Variants in LMAN2L observed in about 807,000 individuals in gnomAD.
The protein encoded by LMAN2L is VIP36-like protein.
LMAN2L carries 30 observed loss-of-function variants against 44.3 expected under a neutral mutation model. That is an observed-to-expected ratio of 0.68 (90% confidence interval 0.51 to 0.92). LMAN2L has a LOEUF of 0.92. LMAN2L is among the 40% of genes least tolerant of loss of function. The pLI is 0.00. For synonymous variants in LMAN2L, 183 were observed against 171.1 expected, an observed-to-expected ratio of 1.07 and a Z score of -0.54; for missense variants, 429 against 446.1, an observed-to-expected ratio of 0.96 and a Z score of 0.35.
chr2:96,724,575 G>A (rs1270186002), intron 4 of LMAN2L, among the ~76,000 whole-genome samples: 1 of 152,118 alleles, frequency 6.6e-6, no homozygotes, highest in Admixed American at 6.6e-5. Flanking sequence ...ATGCGATCGT[G>A]GCTCACTGTG....
Position 96,737,984 on chromosome 2 carries a change from T to C in LMAN2L, c.271A>G (p.Met91Val). 1 of 1,613,892 alleles carries C rather than the reference T, an allele frequency of 6.2e-7. No individual in the cohort carries two copies. Among genetic ancestry groups the C allele is most frequent in the Non-Finnish European group, 8.5e-7 (1 of 1,179,790 alleles). The change falls in exon 2 of 8, where the codon ATG becomes GTG. Residue 91 changes from methionine to valine, a missense_variant. Transcript: ENST00000264963. ...MTQYIRLTPD[M>V]QSKQGALWNR... ...CACAAGGCACCCTGTTTACTTTGCA[T>C]ATCTGGGGTAAGGCGGATATACTGG...
chr2:96,709,106 A>T (rs1175401644), intron 6 of LMAN2L, among the ~76,000 whole-genome samples: 1 of 151,364 alleles, frequency 6.6e-6, no homozygotes, highest in Non-Finnish European at 1.5e-5. Flanking sequence ...TTTTTAGTAG[A>T]GATGGGGTTT....
In LMAN2L at chr2:96,735,882, T is replaced by A. The variant is rs867775598; in HGVS notation, c.307-1356A>T. ...TCAGAGAAAGGCCAGGCACAGTAGT[T>A]CACGCCAGTAATCAAAGCATTTTGA... On this transcript the variant is annotated intron_variant, in intron 2 of 7. Transcript: ENST00000264963. Among the ~76,000 whole-genome samples the A allele has an allele frequency of 8.7e-5, 13 of 149,050 alleles. No homozygotes were observed. The South Asian group carries it at 2.8e-3, about 32-fold the overall frequency.
chr2:96,710,156 C>T (rs2077881391), intron 6 of LMAN2L, among the ~76,000 whole-genome samples: 1 of 152,094 alleles, frequency 6.6e-6, no homozygotes, highest in Admixed American at 6.5e-5. Flanking sequence ...GCCTGGAATC[C>T]AAGAAGGGGA....
chr2:96,715,151 C>A (rs1013439210), intron 4 of LMAN2L, among the ~76,000 whole-genome samples: 1 of 152,122 alleles, frequency 6.6e-6, no homozygotes, highest in Non-Finnish European at 1.5e-5. Flanking sequence ...GTTGGTCAGG[C>A]TGGTCTCGAA....
chr2:96,708,185 G>A (rs1466692085), intron 6 of LMAN2L, among the ~76,000 whole-genome samples: 1 of 152,256 alleles, frequency 6.6e-6, no homozygotes, highest in Non-Finnish European at 1.5e-5. Flanking sequence ...GGCTAGCGAT[G>A]TGTAGTACAA....
In LMAN2L at chr2:96,731,466, T is replaced by C. The variant is rs1186239655; in HGVS notation, c.507+2053A>G. On this transcript the variant is annotated intron_variant, in intron 4 of 7. Transcript: ENST00000264963. ...GAGATGGAGACCATCCTGGCCAACA[T>C]GGTGAAACCTTGTCTCTAAAAATAC... 3.3e-5 allele frequency among the ~76,000 whole-genome samples: 5 copies of C among 152,114 alleles called. No individual in the cohort carries two copies. In the East Asian group the frequency reaches 5.9e-4, roughly 18 times the overall value.
intron 4 of LMAN2L, among the ~76,000 whole-genome samples, chr2:96,713,584 G>A (rs941963099): frequency 2.0e-5 from 3 of 152,162 alleles, no homozygotes; most frequent in African/African-American, 7.2e-5. Flanking sequence ...GGAGACAACA[G>A]GGCTAAATTC....
chr2:96,733,128 T>G (rs2078441807), intron 4 of LMAN2L, among the ~76,000 whole-genome samples: 1 of 152,154 alleles, frequency 6.6e-6, no homozygotes, highest in African/African-American at 2.4e-5. Context: ...CTGAAAAGTG[T>G]GTGCAAGTTG....
At chr2:96,737,363 C>T (rs975211413) in intron 2 of LMAN2L, 6 of 344,370 alleles carry the variant, frequency 1.7e-5, no homozygotes, top group African/African-American at 1.3e-4. Flanking sequence ...TTTAAGAGTA[C>T]TCTCAACCAG....
chr2:96,732,181 T>G (rs539094906), intron 4 of LMAN2L, among the ~76,000 whole-genome samples: 4 of 151,686 alleles, frequency 2.6e-5, no homozygotes, highest in African/African-American at 9.7e-5. Context: ...TTGAAAATTT[T>G]CATAATAAAC....
At chr2:96,716,088 C>G (rs1446910367) in intron 4 of LMAN2L, among the ~76,000 whole-genome samples, 1 of 152,206 alleles carries the variant, frequency 6.6e-6, no homozygotes, top group Non-Finnish European at 1.5e-5. Flanking sequence ...CAAAGCCAAA[C>G]ATACATCTTC....
intron 4 of LMAN2L, among the ~76,000 whole-genome samples, chr2:96,729,314 T>A (rs1363427083): frequency 6.6e-6 from 1 of 152,058 alleles, no homozygotes; most frequent in Admixed American, 6.6e-5. Context: ...TTCTGGAATC[T>A]GGTGGACCTG....
chr2:96,713,404 G>A (rs970939607), intron 4 of LMAN2L, among the ~76,000 whole-genome samples: 2 of 152,004 alleles, frequency 1.3e-5, no homozygotes, highest in Non-Finnish European at 2.9e-5. Context: ...TTCTCAAAGG[G>A]GTCCCCTAGG....
At chr2:96,724,950 G>T (rs986352273) in intron 4 of LMAN2L, among the ~76,000 whole-genome samples, 1 of 152,046 alleles carries the variant, frequency 6.6e-6, no homozygotes, top group African/African-American at 2.4e-5. Flanking sequence ...TCCTGCCTCA[G>T]CCTCCCAAGT....
At chr2:96,715,559 G>T (rs565005237) in intron 4 of LMAN2L, among the ~76,000 whole-genome samples, 16 of 152,366 alleles carry the variant, frequency 1.1e-4, no homozygotes, top group African/African-American at 3.8e-4. Flanking sequence ...TTCAGGCAAG[G>T]TGGTAGTTTT....
chr2:96,713,164 T>C lies in LMAN2L; in HGVS notation c.508-1139A>G, dbSNP rs1047691333. ...CCTGAGAGGGTCCAGCAGGTTATGA[T>C]AAAAACAAGAGAGGGCACAGAAGAC... On this transcript the variant is annotated intron_variant, in intron 4 of 7. Transcript: ENST00000264963. 4.5e-6 allele frequency: 7 copies of C among 1,549,382 alleles called. No homozygotes were observed. The African/African-American group carries it at 8.2e-5, about 18-fold the overall frequency.
chr2:96,726,139 A>C (rs2078265371), intron 4 of LMAN2L, among the ~76,000 whole-genome samples: 1 of 146,254 alleles, frequency 6.8e-6, no homozygotes. Flanking sequence ...CTCAAAAAAG[A>C]AAAAAAAAAA....
At chr2:96,709,241 T>C (rs1462390102) in intron 6 of LMAN2L, among the ~76,000 whole-genome samples, 1 of 152,146 alleles carries the variant, frequency 6.6e-6, no homozygotes, top group African/African-American at 2.4e-5. Flanking sequence ...TTCTTATTGA[T>C]GCTCAACTCA....
Sources: gnomAD v4.1 joint callset for allele counts (sites outside exome capture counted in the v4.1 genomes callset) on GRCh38, gnomAD v4.1.1 for gene constraint, MANE v1.5 for transcripts, NCBI Gene and HGNC (gene_info 2026-07-23, HGNC 2026-07-21) for gene names.